PIEZO2: variants seen among roughly 807,000 people sequenced by gnomAD.
The protein encoded by PIEZO2 is piezo type mechanosensitive ion channel component 2.
In PIEZO2, 172 loss-of-function variants were observed where a neutral mutation model predicts 337.3. That is an observed-to-expected ratio of 0.51 (90% CI 0.45 to 0.58). The LOEUF (loss-of-function observed/expected upper bound fraction) is 0.58. Ranked by LOEUF, PIEZO2 falls within the 20% of genes least tolerant of loss-of-function variation. The pLI, the probability that PIEZO2 is intolerant of heterozygous loss-of-function variation, is 0.00. For synonymous variants in PIEZO2, 1,251 were observed against 1,228.5 expected, an observed-to-expected ratio of 1.02 and a Z score of -0.38; for missense variants, 3,028 against 3,391.3, an observed-to-expected ratio of 0.89 and a Z score of 2.66.
intron 2 of PIEZO2, among the ~76,000 whole-genome samples, chr18:11,050,415 C>T (rs2625381): frequency 0.29 from 44,702 of 151,698 alleles, 7,006 homozygotes; most frequent in Non-Finnish European, 0.37. Flanking sequence ...ACAGATCGCA[C>T]TGCCTCTTCA....
At position 10,705,353 on chromosome 18, in the gene PIEZO2, G is replaced by A. The variant is rs377649969; in HGVS notation, c.5982C>T (p.Ser1994=). ...ACCCTTACTTTTTCAGCAGCAGCTC[G>A]CTGGCCGTCAGCTCATGGGTCAGGG... ...LPPLTHELTA[S]ELLLKKMFHD... is the part of the protein sequence containing the mutation. Residue 1994 remains serine (S), a synonymous_variant, in exon 41 of 56, where the codon AGC becomes AGT. Coordinates refer to ENST00000674853, the MANE Select transcript of PIEZO2 (RefSeq NM_001378183.1). The A allele has an allele frequency of 5.4e-4, 827 of 1,534,140 alleles. 2 individuals carry two copies. Among genetic ancestry groups the A allele is most frequent in the South Asian group, 1.1e-3 (96 of 83,702 alleles).
chr18:10,794,417 T>C lies in PIEZO2; in HGVS notation c.1758+355A>G, dbSNP rs2039507958. 6.6e-6 allele frequency among the ~76,000 whole-genome samples: 1 copy of C among 152,352 alleles called. No individual in the cohort carries two copies. Among genetic ancestry groups the C allele is most frequent in the South Asian group, 2.1e-4 (1 of 4,830 alleles). ...GCACTAAGCATGTTTTATAAAATGA[T>C]AATCAAAGACAGTCCTATAATCCCT... On this transcript the variant is annotated intron_variant, in intron 13 of 55. Coordinates refer to ENST00000674853, the MANE Select transcript of PIEZO2 (RefSeq NM_001378183.1). This position sits in a 1 kb window ranked among gnomAD's most constrained non-coding sequence, Gnocchi z 6.6.
At chr18:10,768,538 T>C (rs183313635) in intron 21 of PIEZO2, among the ~76,000 whole-genome samples, 1 of 152,210 alleles carries the variant, frequency 6.6e-6, no homozygotes, top group Non-Finnish European at 1.5e-5. Flanking sequence ...TTTACAGCAA[T>C]GGGATTTGGC....
intron 35 of PIEZO2, 65 bp from the exon 36 acceptor site, chr18:10,731,586 C>T: frequency 9.9e-7 from 1 of 1,009,196 alleles, no homozygotes; most frequent in Non-Finnish European, 1.4e-6. Flanking sequence ...GGACCTACAC[C>T]AAGCTTCCTG....
chr18:10,725,794 C>G (rs1230664509), intron 36 of PIEZO2, among the ~76,000 whole-genome samples: 1 of 152,236 alleles, frequency 6.6e-6, no homozygotes, highest in African/African-American at 2.4e-5. Context: ...TCCCACCAGG[C>G]CAACCACCAC....
At chr18:10,902,567 C>T (rs1340101921) in intron 4 of PIEZO2, among the ~76,000 whole-genome samples, 1 of 152,092 alleles carries the variant, frequency 6.6e-6, no homozygotes, top group Non-Finnish European at 1.5e-5. Flanking sequence ...ACCCCTCCTC[C>T]CAAAAACGTA....
chr18:10,824,038 T>C lies in PIEZO2; in HGVS notation c.918-16764A>G, dbSNP rs77076590. Among the ~76,000 whole-genome samples, 1,142 of 152,362 alleles carry C rather than the reference T, an allele frequency of 7.5e-3. 7 individuals are homozygous for C. The highest frequency in any genetic ancestry group is 0.017 in the Middle Eastern group (5 of 294). On this transcript the variant is annotated intron_variant, in intron 7 of 55. Transcript: ENST00000674853. The surrounding 1 kb of genome is among the most constrained non-coding windows in gnomAD (Gnocchi z 4.4). ...TCAGTGTATATCATTCCCATGAATA[T>C]TTAACTCACTTTTTCTACATATGTA... is the stretch of plus-strand genomic sequence containing the variant.
In PIEZO2 at chr18:11,069,078, C is replaced by G. The variant is rs2038249888; in HGVS notation, c.65-2856G>C. On this transcript the variant is annotated intron_variant, in intron 1 of 55. Transcript: ENST00000674853. This position sits in a 1 kb window ranked among gnomAD's most constrained non-coding sequence, Gnocchi z 4.9. Reference sequence around the variant, plus strand: ...GAATAAATAAATAAAAGCCCAGGACCTCATGAATTCTACCAAACATTTAAG... The same window carrying G: ...GAATAAATAAATAAAAGCCCAGGACGTCATGAATTCTACCAAACATTTAAG... Among the ~76,000 whole-genome samples the G allele has an allele frequency of 6.6e-6, 1 of 152,096 alleles. No homozygotes were observed. Among genetic ancestry groups the G allele is most frequent in the Non-Finnish European group, 1.5e-5 (1 of 68,022 alleles).
At chr18:10,761,199 G>T in intron 23 of PIEZO2, 88 bp from the exon 24 acceptor site, 1 of 1,172,270 alleles carries the variant, frequency 8.5e-7, no homozygotes, top group Non-Finnish European at 1.2e-6. Flanking sequence ...ACAGCTACAA[G>T]GACAATGTTT....
intron 36 of PIEZO2, among the ~76,000 whole-genome samples, chr18:10,723,232 GC>G (rs544876914): frequency 3.6e-4 from 54 of 152,106 alleles, no homozygotes; most frequent in Admixed American, 1.0e-3. Flanking sequence ...CTCCCAAAGT[GC>G]TGGGATTACA....
chr18:10,760,046 C>T, intron 24 of PIEZO2, 137 bp from the exon 25 acceptor site: 2 of 759,090 alleles, frequency 2.6e-6, no homozygotes, highest in Non-Finnish European at 4.3e-6. Context: ...TTCACAAATG[C>T]TTGCTCTTTT....
intron 3 of PIEZO2, among the ~76,000 whole-genome samples, chr18:10,968,990 C>T (rs1335452884): frequency 6.6e-6 from 1 of 152,110 alleles, no homozygotes; most frequent in Non-Finnish European, 1.5e-5. Flanking sequence ...ATTTATAAAT[C>T]CACCTACCTA....
intron 2 of PIEZO2, among the ~76,000 whole-genome samples, chr18:11,045,233 A>G (rs1378015914): frequency 1.5e-5 from 2 of 136,672 alleles, no homozygotes; most frequent in Non-Finnish European, 3.0e-5. Context: ...CCCGGGAGGC[A>G]GAGCTTGCTT....
At chr18:10,760,135 C>T (rs2038064996) in intron 24 of PIEZO2, among the ~76,000 whole-genome samples, 1 of 152,130 alleles carries the variant, frequency 6.6e-6, no homozygotes, top group African/African-American at 2.4e-5. Context: ...TTATCATAAC[C>T]ACTTCAGACA....
intron 7 of PIEZO2, among the ~76,000 whole-genome samples, chr18:10,810,690 C>T (rs2040160767): frequency 6.6e-6 from 1 of 152,118 alleles, no homozygotes; most frequent in East Asian, 1.9e-4. Context: ...CCTCGTTTTA[C>T]CAGGAGGCTT....
chr18:10,996,765 G>A (rs2035337741), intron 2 of PIEZO2, among the ~76,000 whole-genome samples: 2 of 152,062 alleles, frequency 1.3e-5, no homozygotes, highest in African/African-American at 4.8e-5. Flanking sequence ...CTGCTGCTGT[G>A]ATCATGCACA....
chr18:10,993,989 C>T lies in PIEZO2; in HGVS notation c.161-14329G>A, dbSNP rs763915909. 1.3e-5 allele frequency among the ~76,000 whole-genome samples: 2 copies of T among 151,288 alleles called. No individual in the cohort carries two copies. Among genetic ancestry groups the T allele is most frequent in the African/African-American group, 4.9e-5 (2 of 40,660 alleles). On this transcript the variant is annotated intron_variant, in intron 2 of 55. Transcript: ENST00000674853. The surrounding 1 kb of genome is among the most constrained non-coding windows in gnomAD (Gnocchi z 5.0). ...GTATACACTGAAGCCAATTTGTATGCTTTTATCCCTCGCCCCTTCCCACAC... is the reference window on the plus strand; with the variant it reads ...GTATACACTGAAGCCAATTTGTATGTTTTTATCCCTCGCCCCTTCCCACAC...
At chr18:11,121,530 C>T (rs975160948) in intron 1 of PIEZO2, among the ~76,000 whole-genome samples, 2 of 152,190 alleles carry the variant, frequency 1.3e-5, no homozygotes, top group Admixed American at 6.5e-5. Context: ...TGCACCTCTG[C>T]ACTCCAGCCT....
At chr18:10,735,041 A>G (rs1279104922) in intron 35 of PIEZO2, among the ~76,000 whole-genome samples, 191 bp downstream of exon 35, 1 of 152,206 alleles carries the variant, frequency 6.6e-6, no homozygotes, top group Non-Finnish European at 1.5e-5. Context: ...AGCAAGAGTC[A>G]AATAATAAGA....
Sources: gnomAD v4.1 joint callset for allele counts (sites outside exome capture counted in the v4.1 genomes callset) on GRCh38, gnomAD v4.1.1 for gene constraint, Gnocchi (gnomAD v3.1) non-coding constraint, MANE v1.5 for transcripts, NCBI Gene and HGNC (gene_info 2026-07-23, HGNC 2026-07-21) for gene names.